The following CPNE4 variants were observed in gnomAD, a reference collection of about 807,000 sequenced individuals.
CPNE4 encodes copine 4.
CPNE4 carries 25 observed loss-of-function variants against 67.9 expected under a neutral mutation model. That is an observed-to-expected ratio of 0.37 (90% confidence interval 0.27 to 0.51). The LOEUF (loss-of-function observed/expected upper bound fraction) is 0.51, where lower values mean the gene tolerates loss of function less well. Ranked by LOEUF, CPNE4 falls within the 20% of genes least tolerant of loss-of-function variation. The pLI is 0.93. For synonymous variants in CPNE4, 242 were observed against 244.9 expected (o/e 0.99, Z 0.11); for missense variants, 464 against 690.8 (o/e 0.67, Z 3.68).
At chr3:131,914,129 ATT>A (rs937889848) in intron 1 of CPNE4, among the ~76,000 whole-genome samples, 9 of 152,148 alleles carry the variant, frequency 5.9e-5, no homozygotes, top group Non-Finnish European at 1.3e-4. Flanking sequence ...TAGGACACCC[ATT>A]TCCATTTCAT....
At chr3:132,019,689 A>G (rs567217090) in intron 1 of CPNE4, among the ~76,000 whole-genome samples, 3 of 152,316 alleles carry the variant, frequency 2.0e-5, no homozygotes, top group East Asian at 3.9e-4. Context: ...CTGAAATGCA[A>G]TATTAGCCAA....
chr3:131,560,951 A>T (rs913006877), intron 11 of CPNE4, among the ~76,000 whole-genome samples: 7 of 152,030 alleles, frequency 4.6e-5, no homozygotes, highest in Admixed American at 2.6e-4. Flanking sequence ...ACAAGGTAGC[A>T]CGTGATTTGA....
intron 2 of CPNE4, among the ~76,000 whole-genome samples, chr3:131,861,012 A>G (rs1267614205): frequency 2.0e-5 from 3 of 152,176 alleles, no homozygotes; most frequent in Non-Finnish European, 4.4e-5. Context: ...TCCACTTCAT[A>G]TAAAAGTGAG....
chr3:131,609,801 T>C (rs1939727260), intron 7 of CPNE4, among the ~76,000 whole-genome samples: 1 of 152,108 alleles, frequency 6.6e-6, no homozygotes, highest in South Asian at 2.1e-4. Context: ...TGTTGCCATA[T>C]TTGTGTTTGT....
At chr3:132,022,813 T>G (rs534879349) in intron 1 of CPNE4, among the ~76,000 whole-genome samples, 1 of 152,314 alleles carries the variant, frequency 6.6e-6, no homozygotes, top group East Asian at 1.9e-4. Context: ...TGATTCCCTG[T>G]TTTCTAACTT....
chr3:131,613,552 T>G (rs1939966940), intron 7 of CPNE4, among the ~76,000 whole-genome samples: 3 of 152,226 alleles, frequency 2.0e-5, no homozygotes. Flanking sequence ...AATTGGCAAA[T>G]ATGAGCCTTG....
At chr3:131,905,685 G>C (rs541361771) in intron 1 of CPNE4, among the ~76,000 whole-genome samples, 7 of 152,218 alleles carry the variant, frequency 4.6e-5, no homozygotes, top group Non-Finnish European at 1.0e-4. Context: ...TGTATGATTT[G>C]CATACATTTG....
rs974109324 is a variant in CPNE4, at chr3:132,034,795, C to T, written c.-230G>A. ...AGTTCGGTCTCTCCGGAAACCCTGACTCCATTCTCGGTGATGGGGGTGGGG... is the reference window on the plus strand; with the variant it reads ...AGTTCGGTCTCTCCGGAAACCCTGATTCCATTCTCGGTGATGGGGGTGGGG... On this transcript the variant is annotated 5_prime_UTR_variant, in exon 1 of 16. Transcript: ENST00000429747. 12 of 985,182 alleles carry T rather than the reference C, an allele frequency of 1.2e-5. No homozygotes were observed. Among genetic ancestry groups the T allele is most frequent in the African/African-American group, 3.5e-5 (2 of 57,076 alleles). The allele number at this position is 985,182 out of a possible 1,614,324, so 61.0% of individuals were successfully genotyped here.
chr3:131,846,848 T>TAGCAGCATGTAGCTGCTACATGCA (rs2086017969), intron 2 of CPNE4, among the ~76,000 whole-genome samples: 1 of 152,154 alleles, frequency 6.6e-6, no homozygotes, highest in South Asian at 2.1e-4. Context: ...ATGTGGCTGC[T>TAGCAGCATGTAGCTGCTACATGCA]AGGGCTTCCT....
intron 2 of CPNE4, among the ~76,000 whole-genome samples, chr3:131,840,349 G>C (rs980674259): frequency 6.6e-6 from 1 of 152,182 alleles, no homozygotes; most frequent in African/African-American, 2.4e-5. Context: ...ACAAATCACA[G>C]CTCAGTTAAC....
At chr3:131,779,839 G>C (rs575941993) in intron 2 of CPNE4, among the ~76,000 whole-genome samples, 1 of 152,062 alleles carries the variant, frequency 6.6e-6, no homozygotes, top group South Asian at 2.1e-4. Flanking sequence ...TTGATAAGTG[G>C]GACATAATTA....
At chr3:131,831,762 G>A (rs758383766) in intron 2 of CPNE4, among the ~76,000 whole-genome samples, 75 of 152,188 alleles carry the variant, frequency 4.9e-4, no homozygotes, top group African/African-American at 1.6e-3. Context: ...ACTAGTGTCC[G>A]AGGGTGGTTA....
At chr3:131,879,023 G>A (rs1052213179) in intron 2 of CPNE4, among the ~76,000 whole-genome samples, 5 of 152,196 alleles carry the variant, frequency 3.3e-5, no homozygotes, top group East Asian at 1.9e-4. Flanking sequence ...TACAACTGAC[G>A]CTGTCTCCTA....
chr3:131,925,448 C>A (rs1183368345), intron 1 of CPNE4: 5 of 152,170 alleles, frequency 3.3e-5, no homozygotes, highest in Admixed American at 3.3e-4. Flanking sequence ...AAAACCATAA[C>A]CTCCATGAGG....
In CPNE4 at chr3:131,717,934, C is replaced by CT. The variant is rs1168380288; in HGVS notation, c.360+5511dup. Among the ~76,000 whole-genome samples, 935 of 126,280 alleles carry CT rather than the reference C, an allele frequency of 7.4e-3. 7 individuals carry two copies. The highest frequency in any genetic ancestry group is 0.016 in the Middle Eastern group (4 of 252). The allele number at this position is 126,280 out of a possible 152,430, so 82.8% of individuals were successfully genotyped here. On this transcript the variant is annotated intron_variant, in intron 3 of 15. Transcript: ENST00000429747. The stretch of plus-strand genomic sequence containing the variant: ...TCTTTCTTTCTTTCTTTCTTTCTTT[C>CT]TTTCTTTCTTTTCTTTCTTTCTCTC...
chr3:131,993,302 G>T (rs1348241495), intron 1 of CPNE4, among the ~76,000 whole-genome samples: 1 of 134,406 alleles, frequency 7.4e-6, no homozygotes, highest in Non-Finnish European at 1.7e-5. Flanking sequence ...GATAAATGCT[G>T]TCCAGGTTCA....
chr3:131,779,620 T>A (rs1193310460), intron 2 of CPNE4, among the ~76,000 whole-genome samples: 1 of 152,138 alleles, frequency 6.6e-6, no homozygotes, highest in Non-Finnish European at 1.5e-5. Flanking sequence ...GTGGAATAAC[T>A]GGCTACCCAT....
intron 7 of CPNE4, among the ~76,000 whole-genome samples, chr3:131,629,601 C>T (rs1032064541): frequency 6.6e-6 from 1 of 152,056 alleles, no homozygotes; most frequent in Admixed American, 6.6e-5. Flanking sequence ...TGCACCACCA[C>T]GCTTGGCTAA....
chr3:131,663,607 G>A (rs1658367203), intron 7 of CPNE4, among the ~76,000 whole-genome samples: 1 of 152,130 alleles, frequency 6.6e-6, no homozygotes, highest in African/African-American at 2.4e-5. Flanking sequence ...GAAGACTCCA[G>A]GACCACTGAG....
Sources: gnomAD v4.1 joint callset for allele counts (sites outside exome capture counted in the v4.1 genomes callset) on GRCh38, gnomAD v4.1.1 for gene constraint, MANE v1.5 for transcripts, NCBI Gene and HGNC (gene_info 2026-07-23, HGNC 2026-07-21) for gene names.